The following CPS1 variants were observed in gnomAD, a reference collection of about 807,000 sequenced individuals.
The protein encoded by CPS1 is carbamoyl-phosphate synthase 1, also known as carbamoyl-phosphate synthase [ammonia], mitochondrial.
In CPS1, 109 loss-of-function variants were observed where a neutral mutation model predicts 174.6. The observed-to-expected ratio is 0.62, with a 90% CI of 0.53 to 0.73. The LOEUF (loss-of-function observed/expected upper bound fraction) is 0.73. Among genes scored for constraint, CPS1 ranks in the 30% least tolerant of loss-of-function variants. CPS1 has a pLI of 0.00. For synonymous variants in CPS1, 637 were observed against 632.0 expected (o/e 1.01, Z -0.12); for missense variants, 1,689 against 1,821.9 (o/e 0.93, Z 1.33).
At chr2:210,645,739 T>TGC (rs1387468918) in intron 25 of CPS1, among the ~76,000 whole-genome samples, 1 of 152,188 alleles carries the variant, frequency 6.6e-6, no homozygotes, top group Non-Finnish European at 1.5e-5. Flanking sequence ...GCTGAGATCA[T>TGC]GCCACTGCAC....
chr2:210,621,346 G>A (rs1416398054), intron 21 of CPS1, among the ~76,000 whole-genome samples: 1 of 152,134 alleles, frequency 6.6e-6, no homozygotes, highest in Non-Finnish European at 1.5e-5. Flanking sequence ...GTCACCAAAG[G>A]TCTTTTAACT....
intron 32 of CPS1, 72 bp downstream of exon 32, chr2:210,660,727 A>T: frequency 1.4e-6 from 2 of 1,455,692 alleles, no homozygotes; most frequent in Non-Finnish European, 9.6e-7. Context: ...TGTCATCAAA[A>T]ATCTTGTTAC....
chr2:210,578,709 A>G (rs1356299751), intron 4 of CPS1, among the ~76,000 whole-genome samples: 2 of 152,178 alleles, frequency 1.3e-5, no homozygotes, highest in East Asian at 3.9e-4. Flanking sequence ...AGGCATCCAT[A>G]TCATATCCTG....
chr2:210,555,731 A>C (rs555486811), upstream of CPS1: 107 of 451,542 alleles, frequency 2.4e-4, 1 homozygote, highest in African/African-American at 2.1e-3. Context: ...TTCCTGTTCT[A>C]CATAGTCATG....
chr2:210,636,877 G>A (rs13401425), intron 21 of CPS1, among the ~76,000 whole-genome samples: 43,020 of 152,108 alleles, frequency 0.28, 7,079 homozygotes, highest in Middle Eastern at 0.41. Flanking sequence ...ATGGAAAGGA[G>A]TAGGGGGAAA....
intron 1 of CPS1, among the ~76,000 whole-genome samples, chr2:210,509,360 A>C (rs568935830): frequency 2.0e-5 from 3 of 152,360 alleles, no homozygotes; most frequent in African/African-American, 4.8e-5. Flanking sequence ...TCAATAAATT[A>C]GGTATTGATG....
intron 1 of CPS1, among the ~76,000 whole-genome samples, chr2:210,483,686 G>A (rs1673420348): frequency 6.6e-6 from 1 of 152,158 alleles, no homozygotes; most frequent in African/African-American, 2.4e-5. Context: ...TCTGCACCAA[G>A]TCTGTATTTC....
intron 31 of CPS1, 58 bp from the exon 32 acceptor site, chr2:210,660,427 A>G: frequency 6.6e-7 from 1 of 1,518,218 alleles, no homozygotes; most frequent in Non-Finnish European, 9.2e-7. Flanking sequence ...GAGAATATTA[A>G]TATTGTTGTT....
chr2:210,608,260 G>A (rs1223332130), intron 18 of CPS1, 101 bp from the exon 19 acceptor site: 2 of 1,081,062 alleles, frequency 1.9e-6, no homozygotes, highest in African/African-American at 1.6e-5. Context: ...ATACCCTGAA[G>A]TAGAATAATA....
At chr2:210,528,357 C>A (rs148897884) in intron 1 of CPS1, among the ~76,000 whole-genome samples, 1 of 151,868 alleles carries the variant, frequency 6.6e-6, no homozygotes, top group East Asian at 1.9e-4. Context: ...TTTGTGTCAA[C>A]AGCACAATTA....
At chr2:210,497,760 A>C (rs1018505958) in intron 1 of CPS1, among the ~76,000 whole-genome samples, 1 of 151,716 alleles carries the variant, frequency 6.6e-6, no homozygotes, top group African/African-American at 2.4e-5. Context: ...CCCATGGTGT[A>C]TATGTAGCAC....
At chr2:210,482,260 A>AT (rs1469935707) in intron 1 of CPS1, among the ~76,000 whole-genome samples, 1 of 151,772 alleles carries the variant, frequency 6.6e-6, no homozygotes, top group Non-Finnish European at 1.5e-5. Context: ...TTGAATCTGC[A>AT]TTTTAAAAAT....
At chr2:210,637,608 A>AT in intron 21 of CPS1, 94 bp from the exon 22 acceptor site, 2 of 1,301,792 alleles carry the variant, frequency 1.5e-6, no homozygotes, top group Non-Finnish European at 2.2e-6. Flanking sequence ...AAGGTGGAAA[A>AT]TAAGAAGCCC....
rs780578282 is a variant in CPS1 at position 210,605,071 on chromosome 2, C to T, written c.1837-31C>T. 7.5e-6 allele frequency: 12 copies of T among 1,610,706 alleles called. No homozygotes were observed. The East Asian group carries it at 2.7e-4, about 36-fold the overall frequency. ...TTGTTGAAGCCAGTGCTTTTTCTTA[C>T]TCTTTGATATCTTTTGTCACCAATT... On this transcript the variant is annotated intron_variant, in intron 16 of 37. Transcript: ENST00000233072.
chr2:210,536,836 T>C (rs1010450677), intron 1 of CPS1, among the ~76,000 whole-genome samples: 1 of 152,156 alleles, frequency 6.6e-6, no homozygotes, highest in Non-Finnish European at 1.5e-5. Context: ...GAATAAATCA[T>C]TGGCTGGAAA....
intron 1 of CPS1, among the ~76,000 whole-genome samples, chr2:210,487,720 T>C (rs1172984777): frequency 1.3e-5 from 2 of 152,162 alleles, no homozygotes; most frequent in African/African-American, 4.8e-5. Flanking sequence ...CTGATTCTTA[T>C]TTTTTAGAAT....
chr2:210,612,067 A>G, intron 19 of CPS1, 50 bp from the exon 20 acceptor site: 1 of 1,529,176 alleles, frequency 6.5e-7, no homozygotes, highest in Non-Finnish European at 9.1e-7. Flanking sequence ...TACAAATTAA[A>G]GATACATAAG....
chr2:210,488,021 A>T (rs1371631778), intron 1 of CPS1, among the ~76,000 whole-genome samples: 1 of 152,212 alleles, frequency 6.6e-6, no homozygotes, highest in Non-Finnish European at 1.5e-5. Flanking sequence ...CTCTCAGTAC[A>T]ACTTACAGGT....
chr2:210,678,393 G>T lies in CPS1; in HGVS notation c.*408G>T. On this transcript the variant is annotated 3_prime_UTR_variant, in exon 38 of 38. Coordinates refer to ENST00000233072, the MANE Select transcript of CPS1 (RefSeq NM_001875.5). ...TCTGCAAACTCAGGACACTTTAACA[G>T]GGCAGAATACTCTAAAAACTTGATA... 4.4e-6 allele frequency: 1 copy of T among 229,086 alleles called. No homozygotes were observed. Among genetic ancestry groups the T allele is most frequent in the Non-Finnish European group, 8.7e-6 (1 of 114,482 alleles). 14.2% of individuals were successfully genotyped at this position (229,086 alleles called of 1,614,324 possible).
Sources: allele counts gnomAD v4.1 joint callset (sites outside exome capture counted in the v4.1 genomes callset), GRCh38; gene constraint gnomAD v4.1.1; transcripts MANE v1.5; gene names NCBI Gene and HGNC (gene_info 2026-07-23, HGNC 2026-07-21).